CNTN1: variants seen among roughly 807,000 people sequenced by gnomAD.
CNTN1 encodes the protein contactin-1.
CNTN1 carries 38 observed loss-of-function variants against 126.4 expected under a neutral mutation model. The ratio of observed to expected loss-of-function variants is 0.30; its 90% CI spans 0.23 to 0.39. CNTN1 has a LOEUF of 0.39. CNTN1 is among the 10% of genes least tolerant of loss of function. The pLI, the probability that CNTN1 is intolerant of heterozygous loss-of-function variation, is 1.00. For synonymous variants in CNTN1, 413 were observed against 422.6 expected, an observed-to-expected ratio of 0.98 and a Z score of 0.28; for missense variants, 1,009 against 1,248.4, an observed-to-expected ratio of 0.81 and a Z score of 2.89.
chr12:40,941,792 A>G (rs1307593380), intron 12 of CNTN1, among the ~76,000 whole-genome samples: 1 of 152,076 alleles, frequency 6.6e-6, no homozygotes, highest in Admixed American at 6.6e-5. Flanking sequence ...GATTGTTCCT[A>G]GTTTGTTTGA....
chr12:40,795,606 A>C (rs1341093997), intron 1 of CNTN1, among the ~76,000 whole-genome samples: 1 of 151,980 alleles, frequency 6.6e-6, no homozygotes, highest in Non-Finnish European at 1.5e-5. Flanking sequence ...TATAATGCTT[A>C]TTCTATTGTT....
intron 7 of CNTN1, 107 bp downstream of exon 7, chr12:40,930,109 A>G: frequency 2.1e-6 from 2 of 938,042 alleles, no homozygotes; most frequent in Non-Finnish European, 3.5e-6. Context: ...CTTTTCAGGA[A>G]GGACAATATA....
At chr12:40,960,183 T>A (rs1383775124) in intron 15 of CNTN1, among the ~76,000 whole-genome samples, 1 of 152,052 alleles carries the variant, frequency 6.6e-6, no homozygotes, top group Non-Finnish European at 1.5e-5. Context: ...TAGCAGTTGG[T>A]ACACAGTTAT....
intron 1 of CNTN1, among the ~76,000 whole-genome samples, chr12:40,863,316 G>A (rs528529351): frequency 6.6e-6 from 1 of 152,186 alleles, no homozygotes; most frequent in Non-Finnish European, 1.5e-5. Flanking sequence ...AAATATAATT[G>A]ATGAATAGAT....
chr12:41,012,245 C>G (rs1363621502), intron 17 of CNTN1, among the ~76,000 whole-genome samples: 1 of 152,132 alleles, frequency 6.6e-6, no homozygotes, highest in Non-Finnish European at 1.5e-5. Context: ...AGAACAAGGG[C>G]AGGGAGAGAT....
chr12:41,007,814 T>A (rs1371574595), intron 17 of CNTN1, among the ~76,000 whole-genome samples: 1 of 152,236 alleles, frequency 6.6e-6, no homozygotes, highest in Non-Finnish European at 1.5e-5. Flanking sequence ...AGATGGACCA[T>A]CTTGAACATG....
intron 1 of CNTN1, among the ~76,000 whole-genome samples, chr12:40,750,073 CT>C (rs1234068696): frequency 6.6e-6 from 1 of 151,934 alleles, no homozygotes; most frequent in Non-Finnish European, 1.5e-5. Context: ...GAAGATAAGC[CT>C]GATTGAATTG....
chr12:40,922,112 T>G, intron 4 of CNTN1, 144 bp from the exon 5 acceptor site: 1 of 712,016 alleles, frequency 1.4e-6, no homozygotes, highest in Non-Finnish European at 2.5e-6. Context: ...AATCATAGAG[T>G]ACAAAGAAAT....
At chr12:40,726,032 C>A (rs951983261) in intron 1 of CNTN1, among the ~76,000 whole-genome samples, 4 of 151,770 alleles carry the variant, frequency 2.6e-5, no homozygotes, top group Non-Finnish European at 5.9e-5. Flanking sequence ...GAGAAGACAT[C>A]AATACACAGG....
chr12:40,728,388 A>C (rs781526852), intron 1 of CNTN1, among the ~76,000 whole-genome samples: 3 of 152,174 alleles, frequency 2.0e-5, no homozygotes, highest in Non-Finnish European at 4.4e-5. Flanking sequence ...GACCATATCC[A>C]GGCAGGAACA....
intron 1 of CNTN1, among the ~76,000 whole-genome samples, chr12:40,770,238 A>G (rs2136431385): frequency 6.6e-6 from 1 of 152,162 alleles, no homozygotes. Flanking sequence ...AGTCTTTGTA[A>G]CCTCAGTTAT....
intron 3 of CNTN1, among the ~76,000 whole-genome samples, chr12:40,917,848 T>C (rs1321063950): frequency 1.3e-5 from 2 of 152,166 alleles, no homozygotes; most frequent in South Asian, 2.1e-4. Context: ...TCAACACGGC[T>C]GTTTGTGATA....
chr12:40,903,555 A>G (rs552947688), intron 1 of CNTN1, among the ~76,000 whole-genome samples: 14 of 152,256 alleles, frequency 9.2e-5, no homozygotes, highest in Non-Finnish European at 1.6e-4. Flanking sequence ...TGCCTTCTCT[A>G]CTGTGCTGCT....
chr12:40,803,285 C>T (rs2136487938), intron 1 of CNTN1, among the ~76,000 whole-genome samples: 1 of 152,098 alleles, frequency 6.6e-6, no homozygotes, highest in African/African-American at 2.4e-5. Flanking sequence ...TTATCTTCAA[C>T]ATTGTCTCAT....
At chr12:40,868,400 G>A (rs1204097877) in intron 1 of CNTN1, among the ~76,000 whole-genome samples, 1 of 152,132 alleles carries the variant, frequency 6.6e-6, no homozygotes, top group Non-Finnish European at 1.5e-5. Flanking sequence ...GTAGATGGGA[G>A]CAGAGATTCA....
At chr12:40,819,388 T>C (rs988310422) in intron 1 of CNTN1, among the ~76,000 whole-genome samples, 2 of 152,068 alleles carry the variant, frequency 1.3e-5, no homozygotes, top group East Asian at 1.9e-4. Flanking sequence ...GCTGGACTTA[T>C]TGGAAATCCT....
intron 1 of CNTN1, among the ~76,000 whole-genome samples, chr12:40,758,301 G>T (rs190175139): frequency 0.085 from 12,721 of 150,030 alleles, 747 homozygotes; most frequent in Non-Finnish European, 0.13. Context: ...AAAACAAAGT[G>T]TTTTTTTTTT....
intron 3 of CNTN1, among the ~76,000 whole-genome samples, chr12:40,913,301 T>TGGTTG (rs1945111601): frequency 6.6e-6 from 1 of 152,156 alleles, no homozygotes; most frequent in Admixed American, 6.5e-5. Context: ...CAGCAGGAAA[T>TGGTTG]GGTTGGCAGT....
At chr12:41,053,377 T>A (rs1949727828) in intron 23 of CNTN1, among the ~76,000 whole-genome samples, 1 of 139,270 alleles carries the variant, frequency 7.2e-6, no homozygotes, top group Admixed American at 7.5e-5. Flanking sequence ...GAGGAAAAAG[T>A]AGTTCACAGA....
Sources: allele counts gnomAD v4.1 joint callset (sites outside exome capture counted in the v4.1 genomes callset), GRCh38; gene constraint gnomAD v4.1.1; transcripts MANE v1.5; gene names NCBI Gene and HGNC (gene_info 2026-07-23, HGNC 2026-07-21).